TTC6: variants seen among roughly 807,000 people sequenced by gnomAD.
TTC6 encodes tetratricopeptide repeat domain 6.
A neutral mutation model predicts 210.4 loss-of-function variants in TTC6; 172 were observed. The observed-to-expected ratio is 0.82, with a 90% CI of 0.72 to 0.93. The LOEUF is 0.93. Among genes scored for constraint, TTC6 ranks in the 40% least tolerant of loss-of-function variants. TTC6 has a pLI of 0.00. For synonymous variants in TTC6, 804 were observed against 819.6 expected, an observed-to-expected ratio of 0.98 and a Z score of 0.32; for missense variants, 2,414 against 2,318.1, an observed-to-expected ratio of 1.04 and a Z score of -0.85.
Position 37,727,291 on chromosome 14 carries a change from ATTT to A in TTC6, c.1818+2310_1818+2312del, listed in dbSNP as rs368293440. On this transcript the variant is annotated intron_variant, in intron 7 of 30. Coordinates refer to ENST00000553443, the Ensembl canonical transcript of TTC6. The stretch of plus-strand genomic sequence containing the variant: ...GACATTCTATGTTGGTATTTTTCTA[ATTT>A]TTTTTTTTTTTTTTTTTTTTGAGAC... Among the ~76,000 whole-genome samples the A allele has an allele frequency of 3.0e-3, 276 of 92,226 alleles. 2 individuals are homozygous for A. The highest frequency in any genetic ancestry group is 9.0e-3 in the African/African-American group (246 of 27,304). The allele number at this position is 92,226 out of a possible 152,430, so 60.5% of individuals were successfully genotyped here. A position where few individuals can be genotyped will look rare whatever the true frequency, so the allele number is the denominator to read the frequency against.
intron 1 of TTC6, among the ~76,000 whole-genome samples, chr14:37,660,219 G>GT (rs955288828): frequency 3.8e-4 from 56 of 148,630 alleles, no homozygotes; most frequent in East Asian, 1.2e-3. Context: ...GTCTTCCAGG[G>GT]TTTTTTTTTT....
At chr14:37,737,925 A>G (rs1376186757) in intron 9 of TTC6, among the ~76,000 whole-genome samples, 191 bp downstream of exon 11, 3 of 151,908 alleles carry the variant, frequency 2.0e-5, no homozygotes, top group Non-Finnish European at 2.9e-5. Flanking sequence ...TCTCTGTTGT[A>G]CTTTAGTACA....
At chr14:37,690,608 G>GA (rs980348031) in intron 3 of TTC6, among the ~76,000 whole-genome samples, 2 of 152,096 alleles carry the variant, frequency 1.3e-5, no homozygotes, top group Non-Finnish European at 2.9e-5. Context: ...TAGATTTCAG[G>GA]AAAAAAACTA....
intron 7 of TTC6, among the ~76,000 whole-genome samples, chr14:37,725,308 GTGTGTATATA>G (rs1214288345): frequency 1.8e-3 from 132 of 73,370 alleles, no homozygotes; most frequent in African/African-American, 4.9e-3. Context: ...ATGTGTGTGT[GTGTGTATATA>G]TATATATATA....
chr14:37,596,652 T>G (rs943365701), intron 1 of TTC6, among the ~76,000 whole-genome samples: 18 of 152,252 alleles, frequency 1.2e-4, no homozygotes, highest in Non-Finnish European at 2.2e-4. Context: ...TGTGACTGTG[T>G]GTGTTTCTGA....
chr14:37,687,188 C>A (rs981023708), intron 3 of TTC6, among the ~76,000 whole-genome samples: 2 of 152,082 alleles, frequency 1.3e-5, no homozygotes. Context: ...GGAGAGCCAG[C>A]AAGTGTGAAG....
At chr14:37,801,384 A>G (rs1223864017) in intron 20 of TTC6, among the ~76,000 whole-genome samples, 1 of 152,164 alleles carries the variant, frequency 6.6e-6, no homozygotes, top group Non-Finnish European at 1.5e-5. Flanking sequence ...ATGTTGAATT[A>G]CTGGGGGCCA....
At chr14:37,686,749 A>T (rs543526019) in intron 3 of TTC6, among the ~76,000 whole-genome samples, 4 of 152,272 alleles carry the variant, frequency 2.6e-5, no homozygotes, top group African/African-American at 4.8e-5. Context: ...TGTGAGACTT[A>T]TTAACTACCA....
Position 37,738,761 on chromosome 14 carries a change from T to C in TTC6, c.1984-15T>C, listed in dbSNP as rs1052743296. On this transcript the variant is annotated splice_polypyrimidine_tract_variant and intron_variant, in intron 9 of 30. Transcript: ENST00000553443. ...TGATTTTACGTTTTTTCTACCTCTT[T>C]GCTTGCTTACTAAGCGAGTAAAATC... 7 of 1,443,854 alleles carry C rather than the reference T, an allele frequency of 4.8e-6. No homozygotes were observed. The African/African-American group carries it at 8.6e-5, about 18-fold the overall frequency. 89.4% of individuals were successfully genotyped at this position (1,443,854 alleles called of 1,614,324 possible). A position where few individuals can be genotyped will look rare whatever the true frequency, so the allele number is the denominator to read the frequency against.
chr14:37,764,499 A>G (rs962355225), intron 14 of TTC6, among the ~76,000 whole-genome samples: 5 of 151,878 alleles, frequency 3.3e-5, no homozygotes, highest in Non-Finnish European at 7.4e-5. Context: ...TGATTGATTG[A>G]CTCTTTCATC....
At chr14:37,675,300 T>TAA (rs2095766690) in intron 1 of TTC6, among the ~76,000 whole-genome samples, 1 of 152,122 alleles carries the variant, frequency 6.6e-6, no homozygotes, top group Non-Finnish European at 1.5e-5. Context: ...TTCTGGATGT[T>TAA]TCATATAAAT....
rs370147171 is a variant in TTC6 at position 37,626,893 on chromosome 14, G to C, written c.939+3890G>C. ...CGCCACTCCCACCCCACCACTCAAG[G>C]CTGAATGGGGAGCCTGTATTTCTAA... On this transcript the variant is annotated intron_variant, in intron 1 of 30. Coordinates refer to ENST00000553443, the Ensembl canonical transcript of TTC6. Among the ~76,000 whole-genome samples, 50 of 152,244 alleles carry C rather than the reference G, an allele frequency of 3.3e-4. No individual in the cohort carries two copies. In the East Asian group the frequency reaches 6.9e-3, roughly 21 times the overall value.
At chr14:37,817,776 A>G (rs527744243) in intron 26 of TTC6, 125 bp downstream of exon 28, 2 of 921,892 alleles carry the variant, frequency 2.2e-6, no homozygotes, top group South Asian at 1.6e-5. Context: ...GTTATAGAGT[A>G]CAAAAATGGG....
intron 7 of TTC6, among the ~76,000 whole-genome samples, chr14:37,730,342 AT>A (rs2095882709): frequency 6.6e-6 from 1 of 152,124 alleles, no homozygotes; most frequent in Admixed American, 6.5e-5. Context: ...TTACATTTTC[AT>A]GGTTATTTAA....
At chr14:37,841,794 A>G in intron 30 of TTC6, 124 bp downstream of exon 32, 1 of 817,288 alleles carries the variant, frequency 1.2e-6, no homozygotes, top group South Asian at 1.7e-5. Context: ...TAGTGTTTTT[A>G]GATATCATGT....
chr14:37,679,418 G>A (rs898841933), intron 1 of TTC6, among the ~76,000 whole-genome samples: 5 of 152,098 alleles, frequency 3.3e-5, no homozygotes, highest in African/African-American at 7.2e-5. Context: ...TGAGTAGAGA[G>A]TATATCATTG....
intron 6 of TTC6, among the ~76,000 whole-genome samples, chr14:37,717,168 C>CAA (rs1566907053): frequency 1.4e-5 from 2 of 148,050 alleles, no homozygotes; most frequent in African/African-American, 2.5e-5. Flanking sequence ...TAAGAACCCC[C>CAA]CAAAAAAAGA....
At chr14:37,614,425 T>C (rs1156776145) in intron 2 of TTC6, among the ~76,000 whole-genome samples, 1 of 152,198 alleles carries the variant, frequency 6.6e-6, no homozygotes, top group East Asian at 1.9e-4. Context: ...TGCACCTACC[T>C]ACATAAACAT....
At chr14:37,712,811 A>G (rs2138748473) in intron 5 of TTC6, among the ~76,000 whole-genome samples, 1 of 152,304 alleles carries the variant, frequency 6.6e-6, no homozygotes, top group African/African-American at 2.4e-5. Context: ...TATGGGAACT[A>G]CAATTCAAGA....
Sources: allele counts gnomAD v4.1 joint callset (sites outside exome capture counted in the v4.1 genomes callset), GRCh38; gene constraint gnomAD v4.1.1; transcripts MANE v1.5; gene names NCBI Gene and HGNC (gene_info 2026-07-23, HGNC 2026-07-21).